The following CABCOCO1 variants were observed in gnomAD, a reference collection of about 807,000 sequenced individuals.
CABCOCO1 encodes ciliary-associated calcium-binding coiled-coil protein 1.
In CABCOCO1, 28 loss-of-function variants were observed where a neutral mutation model predicts 35.7. The ratio of observed to expected loss-of-function variants is 0.78; its 90% confidence interval spans 0.58 to 1.07. The LOEUF is 1.07. CABCOCO1 is among the 50% of genes least tolerant of loss of function. The probability of loss-of-function intolerance (pLI) is 0.00; values close to 1 mark genes in which losing one functional copy is unlikely to be tolerated. For missense variants in CABCOCO1, 326 were observed against 309.2 expected (o/e 1.05, Z -0.41); for synonymous variants, 95 against 100.1 (o/e 0.95, Z 0.30).
intron 5 of CABCOCO1, among the ~76,000 whole-genome samples, chr10:61,751,336 A>G (rs927138658): frequency 5.3e-5 from 8 of 151,702 alleles, no homozygotes; most frequent in African/African-American, 1.9e-4. Flanking sequence ...CTGTGAAGGC[A>G]AGAACATGGA....
intron 5 of CABCOCO1, among the ~76,000 whole-genome samples, chr10:61,703,305 C>T (rs1480092279): frequency 1.3e-5 from 2 of 150,448 alleles, no homozygotes; most frequent in East Asian, 3.9e-4. Context: ...GTAGATCATC[C>T]ATTATTCAAG....
chr10:61,741,874 C>A (rs1045640491), intron 5 of CABCOCO1, among the ~76,000 whole-genome samples: 8 of 152,064 alleles, frequency 5.3e-5, no homozygotes, highest in Admixed American at 2.0e-4. Flanking sequence ...ATTCTGTATA[C>A]CCACATTTGT....
chr10:61,719,585 C>G (rs1264426919), intron 5 of CABCOCO1, among the ~76,000 whole-genome samples: 1 of 152,096 alleles, frequency 6.6e-6, no homozygotes, highest in Non-Finnish European at 1.5e-5. Context: ...AATGACTTTT[C>G]AAAACAGCAT....
chr10:61,759,916 GGGCAATGGCATCAAAAATTCAAAGGAGGT>G, intron 5 of CABCOCO1, 114 bp from the exon 6 acceptor site: 1 of 1,007,600 alleles, frequency 9.9e-7, no homozygotes, highest in East Asian at 2.6e-5. Context: ...AGGACAAAAA[GGGCAATGGCATCAAAAATTCAAAGGAGGT>G]GGCACTTGAA....
rs78655635 is a variant in CABCOCO1, at chr10:61,719,852, C to A, written c.552+29231C>A. Among the ~76,000 whole-genome samples the A allele has an allele frequency of 1.2e-4, 17 of 142,148 alleles. No homozygotes were observed. In the East Asian group the frequency reaches 3.5e-3, roughly 29 times the overall value. 93.3% of individuals were successfully genotyped at this position (142,148 alleles called of 152,430 possible). A position where few individuals can be genotyped will look rare whatever the true frequency, so the allele number is the denominator to read the frequency against. On this transcript the variant is annotated intron_variant, in intron 5 of 7. Coordinates refer to ENST00000648843, the MANE Select transcript of CABCOCO1 (RefSeq NM_001366906.2). ...AGGAGAATCACTTGAACTCAGGAGT[C>A]AGAGGTTTCAGTGAGCTGAGATCAC...
At chr10:61,701,622 T>C (rs1178038222) in intron 5 of CABCOCO1, 10 of 984,408 alleles carry the variant, frequency 1.0e-5, no homozygotes, top group Non-Finnish European at 1.2e-5. Context: ...ATTCTCTGAT[T>C]ACAAACCCGC....
intron 1 of CABCOCO1, among the ~76,000 whole-genome samples, chr10:61,668,960 C>T (rs1202337362): frequency 6.9e-6 from 1 of 143,926 alleles, no homozygotes; most frequent in African/African-American, 2.5e-5. Context: ...TGCTTCAGCT[C>T]CAATATGGCT....
chr10:61,733,074 C>T lies in CABCOCO1; in HGVS notation c.553-26985C>T, dbSNP rs77745537. On this transcript the variant is annotated intron_variant, in intron 5 of 7. Transcript: ENST00000648843. ...CTACCATCTACTTAGCTAGATGTACCATTGCAAGTAGTATATACCGTGTTT... is the reference window on the plus strand; with the variant it reads ...CTACCATCTACTTAGCTAGATGTACTATTGCAAGTAGTATATACCGTGTTT... Among the ~76,000 whole-genome samples the T allele has an allele frequency of 2.8e-3, 432 of 152,046 alleles. 2 individuals carry two copies. Among genetic ancestry groups the T allele is most frequent in the African/African-American group, 9.9e-3 (411 of 41,516 alleles).
intron 3 of CABCOCO1, among the ~76,000 whole-genome samples, 188 bp from the exon 4 acceptor site, chr10:61,685,853 G>A (rs891661217): frequency 2.6e-5 from 4 of 152,116 alleles, no homozygotes; most frequent in African/African-American, 4.8e-5. Flanking sequence ...TTGAGCCACC[G>A]TGCCCAGCCA....
intron 4 of CABCOCO1, among the ~76,000 whole-genome samples, chr10:61,687,038 A>C (rs1839985623): frequency 6.6e-6 from 1 of 152,238 alleles, no homozygotes; most frequent in Non-Finnish European, 1.5e-5. Flanking sequence ...GTGCTGACTG[A>C]TATCTTAGAC....
intron 5 of CABCOCO1, among the ~76,000 whole-genome samples, chr10:61,711,985 T>C (rs1670195195): frequency 6.6e-6 from 1 of 152,170 alleles, no homozygotes; most frequent in African/African-American, 2.4e-5. Flanking sequence ...TATAATCCTT[T>C]GGTTATATAC....
chr10:61,746,876 A>G (rs1841674165), intron 5 of CABCOCO1, among the ~76,000 whole-genome samples: 1 of 152,188 alleles, frequency 6.6e-6, no homozygotes, highest in Non-Finnish European at 1.5e-5. Flanking sequence ...ATAATTTACA[A>G]TAAATTAGCA....
intron 5 of CABCOCO1, among the ~76,000 whole-genome samples, chr10:61,720,031 T>C (rs1384417754): frequency 2.0e-5 from 3 of 151,604 alleles, no homozygotes; most frequent in Admixed American, 1.3e-4. Flanking sequence ...TCAACATGCA[T>C]AGGACTGCCG....
At chr10:61,732,418 C>T (rs746477993) in intron 5 of CABCOCO1, among the ~76,000 whole-genome samples, 5 of 151,938 alleles carry the variant, frequency 3.3e-5, no homozygotes, top group Admixed American at 6.6e-5. Flanking sequence ...AATGTGGTTA[C>T]ATTATTTTGT....
In CABCOCO1 at chr10:61,686,151, C is replaced by T; in HGVS notation, c.445C>T (p.Gln149Ter). 1 of 1,586,872 alleles carries T rather than the reference C, an allele frequency of 6.3e-7. No individual in the cohort carries two copies. The highest frequency in any genetic ancestry group is 1.2e-5 in the South Asian group (1 of 85,306). The change falls in exon 4 of 8, where the codon CAA becomes TAA. Residue 149 changes from glutamine to a stop codon, truncating the protein, a stop_gained. Transcript: ENST00000648843. LOFTEE classifies it high-confidence loss of function. ...SEDWNIFDVK[Q>*]ANAIIDYLKI... ...GGACTGGAATATCTTTGATGTAAAA[C>T]AAGCCAATGCTATCATTGATTACTT...
At chr10:61,741,037 G>A (rs1025921579) in intron 5 of CABCOCO1, among the ~76,000 whole-genome samples, 54 of 151,892 alleles carry the variant, frequency 3.6e-4, no homozygotes, top group African/African-American at 1.2e-3. Context: ...CCAGCTACTC[G>A]GGAGGCTGAG....
intron 5 of CABCOCO1, among the ~76,000 whole-genome samples, chr10:61,754,363 C>T (rs566224799): frequency 2.6e-5 from 4 of 152,154 alleles, no homozygotes; most frequent in South Asian, 4.1e-4. Flanking sequence ...GTTTGCACCA[C>T]GGCCAGATCA....
intron 2 of CABCOCO1, among the ~76,000 whole-genome samples, chr10:61,675,052 G>A (rs1839469171): frequency 6.6e-6 from 1 of 152,060 alleles, no homozygotes; most frequent in Non-Finnish European, 1.5e-5. Flanking sequence ...GCACCCCATT[G>A]TCAAGAACAT....
chr10:61,692,390 A>T (rs1207356749), intron 5 of CABCOCO1, among the ~76,000 whole-genome samples: 2 of 152,216 alleles, frequency 1.3e-5, no homozygotes, highest in African/African-American at 4.8e-5. Flanking sequence ...GATTCCAGGA[A>T]ATCATTTTAA....
Sources: allele counts gnomAD v4.1 joint callset (sites outside exome capture counted in the v4.1 genomes callset), GRCh38; gene constraint gnomAD v4.1.1; transcripts MANE v1.5; gene names NCBI Gene and HGNC (gene_info 2026-07-23, HGNC 2026-07-21).